The following DLG2 variants were observed in gnomAD, a reference collection of about 807,000 sequenced individuals.
The protein encoded by DLG2 is discs large MAGUK scaffold protein 2.
A neutral mutation model predicts 132.5 loss-of-function variants in DLG2; 45 were observed. The ratio of observed to expected loss-of-function variants is 0.34; its 90% CI spans 0.27 to 0.44. The LOEUF is 0.44. DLG2 is among the 20% of genes least tolerant of loss of function. The pLI is 1.00. For missense variants in DLG2, 1,045 were observed against 1,196.9 expected, an observed-to-expected ratio of 0.87 and a Z score of 1.87; for synonymous variants, 424 against 419.6, an observed-to-expected ratio of 1.01 and a Z score of -0.13.
At chr11:84,830,919 C>T (rs997796166) in intron 6 of DLG2, among the ~76,000 whole-genome samples, 2 of 150,570 alleles carry the variant, frequency 1.3e-5, no homozygotes, top group Non-Finnish European at 3.0e-5. Context: ...AAACTTATAA[C>T]ATTAAGCAAA....
At chr11:85,543,233 A>G (rs2076091032) in intron 3 of DLG2, among the ~76,000 whole-genome samples, 2 of 152,220 alleles carry the variant, frequency 1.3e-5, no homozygotes, top group South Asian at 4.1e-4. Context: ...GAGAACATGC[A>G]ATGTTTGGTT....
chr11:84,194,586 T>C (rs1445715327), intron 8 of DLG2, among the ~76,000 whole-genome samples: 1 of 152,220 alleles, frequency 6.6e-6, no homozygotes, highest in Non-Finnish European at 1.5e-5. Context: ...TACAGAGAGC[T>C]GATTGGTCCA....
chr11:83,960,126 C>T (rs1346122065), intron 14 of DLG2, among the ~76,000 whole-genome samples: 1 of 152,018 alleles, frequency 6.6e-6, no homozygotes, highest in Non-Finnish European at 1.5e-5. Flanking sequence ...TATCCCACTA[C>T]CACAAATGCC....
intron 8 of DLG2, among the ~76,000 whole-genome samples, chr11:84,176,925 TTTTCTTTTCTTTTATTTTC>T (rs1423248787): frequency 3.9e-5 from 6 of 152,060 alleles, no homozygotes; most frequent in Non-Finnish European, 8.8e-5. Flanking sequence ...TTTCCTTTTC[TTTTCTTTTCTTTTATTTTC>T]TTTCTTTTCA....
intron 3 of DLG2, among the ~76,000 whole-genome samples, chr11:85,556,465 A>G (rs1194448027): frequency 1.3e-5 from 2 of 151,928 alleles, no homozygotes; most frequent in East Asian, 3.9e-4. Context: ...TATCAAACAG[A>G]CTTTTTCTTT....
chr11:85,377,420 A>G (rs1202677395), intron 3 of DLG2, among the ~76,000 whole-genome samples: 5 of 152,070 alleles, frequency 3.3e-5, no homozygotes, highest in Admixed American at 3.3e-4. Context: ...TGAGATGAGA[A>G]TGGGAGCAAG....
chr11:84,927,213 T>C (rs2047494079), intron 6 of DLG2, among the ~76,000 whole-genome samples: 1 of 152,056 alleles, frequency 6.6e-6, no homozygotes. Flanking sequence ...CCTCTTTTAA[T>C]ATGGACAAAT....
intron 6 of DLG2, among the ~76,000 whole-genome samples, chr11:84,576,374 A>T (rs930138123): frequency 1.3e-5 from 2 of 152,252 alleles, no homozygotes; most frequent in Admixed American, 1.3e-4. Context: ...TTTTTAGCAG[A>T]AACAGATGTT....
chr11:84,265,977 G>A (rs1311360223), intron 7 of DLG2, among the ~76,000 whole-genome samples: 1 of 152,036 alleles, frequency 6.6e-6, no homozygotes, highest in Non-Finnish European at 1.5e-5. Context: ...CTATTTTTCT[G>A]TTCTGTAACA....
At chr11:83,471,760 A>G (rs761805697) in intron 23 of DLG2, 33 bp from the exon 24 acceptor site, 3 of 1,584,622 alleles carry the variant, frequency 1.9e-6, no homozygotes, top group Non-Finnish European at 1.7e-6. Context: ...GTAGGTAAAG[A>G]GAAAGAGTTG....
chr11:85,482,454 G>A (rs1367121000), intron 3 of DLG2, among the ~76,000 whole-genome samples: 4 of 152,010 alleles, frequency 2.6e-5, no homozygotes, highest in Non-Finnish European at 5.9e-5. Context: ...CAGAGTCCAG[G>A]AGACCCCAGA....
intron 4 of DLG2, among the ~76,000 whole-genome samples, chr11:85,155,538 A>G (rs186467143): frequency 1.1e-4 from 17 of 152,238 alleles, no homozygotes; most frequent in East Asian, 3.9e-4. Context: ...GGTAGTAAAC[A>G]TGCTGACCAC....
intron 7 of DLG2, among the ~76,000 whole-genome samples, chr11:84,322,553 T>G (rs1347288507): frequency 1.3e-5 from 2 of 151,964 alleles, no homozygotes; most frequent in Non-Finnish European, 2.9e-5. Flanking sequence ...GTCATATTAA[T>G]TTTAAAATAA....
chr11:84,037,398 A>G (rs1232849618), intron 11 of DLG2, among the ~76,000 whole-genome samples: 2 of 152,178 alleles, frequency 1.3e-5, no homozygotes, highest in Non-Finnish European at 2.9e-5. Flanking sequence ...GACAAGACTC[A>G]TAAAATAAAG....
At chr11:83,791,007 A>C (rs1054634375) in intron 17 of DLG2, 5 of 787,102 alleles carry the variant, frequency 6.4e-6, no homozygotes, top group Non-Finnish European at 1.1e-5. Flanking sequence ...CGAGCTTTTC[A>C]GTGAATTGGC....
intron 7 of DLG2, among the ~76,000 whole-genome samples, chr11:84,471,588 TC>T (rs979001830): frequency 1.6e-4 from 25 of 151,764 alleles, no homozygotes; most frequent in African/African-American, 5.3e-4. Context: ...GAAAGGGGAT[TC>T]CGTAGCAGCA....
intron 4 of DLG2, among the ~76,000 whole-genome samples, chr11:85,270,229 C>T (rs1414791846): frequency 6.6e-6 from 1 of 152,178 alleles, no homozygotes; most frequent in Non-Finnish European, 1.5e-5. Flanking sequence ...CTTTCCCATG[C>T]TATTCTCATG....
intron 18 of DLG2, among the ~76,000 whole-genome samples, chr11:83,703,167 A>G (rs562175919): frequency 1.0e-3 from 159 of 152,334 alleles, no homozygotes; most frequent in Admixed American, 2.4e-3. Flanking sequence ...ATATGTTTAT[A>G]ATAAAGGTCA....
At chr11:84,234,731 C>T (rs2097137225) in intron 8 of DLG2, among the ~76,000 whole-genome samples, 1 of 152,192 alleles carries the variant, frequency 6.6e-6, no homozygotes, top group Non-Finnish European at 1.5e-5. Flanking sequence ...CAATAGAAGA[C>T]TGACAAAGCT....
Sources: gnomAD v4.1 joint callset for allele counts (sites outside exome capture counted in the v4.1 genomes callset) on GRCh38, gnomAD v4.1.1 for gene constraint, MANE v1.5 for transcripts, NCBI Gene and HGNC (gene_info 2026-07-23, HGNC 2026-07-21) for gene names.